The following DYNC1I1 variants were observed in gnomAD, a reference collection of about 807,000 sequenced individuals.
DYNC1I1 encodes the protein cytoplasmic dynein 1 intermediate chain 1.
In DYNC1I1, 43 loss-of-function variants were observed where a neutral mutation model predicts 86.6. The observed-to-expected ratio is 0.50, with a 90% CI of 0.39 to 0.64. DYNC1I1 has a LOEUF of 0.64. DYNC1I1 is among the 30% of genes least tolerant of loss of function. The pLI is 0.00. For missense variants in DYNC1I1, 604 were observed against 788.8 expected, an observed-to-expected ratio of 0.77 and a Z score of 2.81; for synonymous variants, 262 against 283.7, an observed-to-expected ratio of 0.92 and a Z score of 0.77.
At chr7:95,989,874 C>T (rs1239104064) in intron 9 of DYNC1I1, among the ~76,000 whole-genome samples, 2 of 152,044 alleles carry the variant, frequency 1.3e-5, no homozygotes, top group African/African-American at 2.4e-5. Context: ...TTGAGGGGTT[C>T]AAAGGACCAG....
intron 6 of DYNC1I1, 113 bp from the exon 7 acceptor site, chr7:95,977,399 G>C: frequency 2.5e-6 from 2 of 802,204 alleles, no homozygotes; most frequent in Non-Finnish European, 3.9e-6. Context: ...GATTTACTTA[G>C]ATGTTGCCCT....
chr7:95,796,986 G>A (rs1469400564), intron 1 of DYNC1I1, among the ~76,000 whole-genome samples: 1 of 152,116 alleles, frequency 6.6e-6, no homozygotes, highest in African/African-American at 2.4e-5. Context: ...TGTACTAGTA[G>A]TGGCCCAAAT....
At chr7:95,776,086 G>A (rs1047738391) in intron 1 of DYNC1I1, among the ~76,000 whole-genome samples, 4 of 152,130 alleles carry the variant, frequency 2.6e-5, no homozygotes, top group Non-Finnish European at 4.4e-5. Context: ...CAGGCTACTC[G>A]GGAGGCTGAG....
chr7:95,979,815 T>A (rs989866591), intron 7 of DYNC1I1, among the ~76,000 whole-genome samples: 1 of 152,082 alleles, frequency 6.6e-6, no homozygotes, highest in Non-Finnish European at 1.5e-5. Context: ...TTTCTGAGAG[T>A]CTAAATGAAT....
At chr7:95,985,962 T>G (rs778489896) in intron 8 of DYNC1I1, among the ~76,000 whole-genome samples, 14 of 151,672 alleles carry the variant, frequency 9.2e-5, no homozygotes, top group Non-Finnish European at 1.0e-4. Flanking sequence ...CTTTCTTGAT[T>G]TTGTTGGTCC....
intron 10 of DYNC1I1, among the ~76,000 whole-genome samples, chr7:96,016,868 G>A (rs947939247): frequency 1.3e-5 from 2 of 152,130 alleles, no homozygotes; most frequent in African/African-American, 4.8e-5. Context: ...CAAGTAAGAT[G>A]GTTTGATGTC....
chr7:95,830,806 A>G (rs976206049), intron 5 of DYNC1I1, among the ~76,000 whole-genome samples: 32 of 152,144 alleles, frequency 2.1e-4, no homozygotes, highest in African/African-American at 7.2e-4. Context: ...TGGTTTTACC[A>G]TTATGCATTC....
At chr7:95,962,580 A>G (rs1348315722) in intron 6 of DYNC1I1, among the ~76,000 whole-genome samples, 3 of 84,290 alleles carry the variant, frequency 3.6e-5, no homozygotes, top group African/African-American at 1.6e-4. Flanking sequence ...AATAACTAAC[A>G]CGTTATAGCC....
intron 5 of DYNC1I1, among the ~76,000 whole-genome samples, chr7:95,857,070 T>C (rs953250624): frequency 1.9e-4 from 29 of 152,194 alleles, no homozygotes; most frequent in Admixed American, 1.8e-3. Flanking sequence ...ACCAAATCCT[T>C]TGATGTCATG....
intron 6 of DYNC1I1, among the ~76,000 whole-genome samples, chr7:95,950,132 A>G (rs1364189299): frequency 1.3e-5 from 2 of 152,204 alleles, no homozygotes; most frequent in African/African-American, 2.4e-5. Flanking sequence ...CTCTTATAGA[A>G]AGAAGTGTCC....
chr7:96,061,713 C>CACACAA (rs1789781570), intron 14 of DYNC1I1, among the ~76,000 whole-genome samples: 1 of 67,216 alleles, frequency 1.5e-5, no homozygotes, highest in African/African-American at 9.9e-5. Flanking sequence ...CTCTCTCTCT[C>CACACAA]ACACACACAC....
At chr7:95,921,699 A>C (rs1791615088) in intron 6 of DYNC1I1, among the ~76,000 whole-genome samples, 1 of 152,172 alleles carries the variant, frequency 6.6e-6, no homozygotes, top group Non-Finnish European at 1.5e-5. Flanking sequence ...GTGTTGACTG[A>C]CCAGTGACTC....
At chr7:96,103,399 A>C (rs543973949), downstream of DYNC1I1, among the ~76,000 whole-genome samples, 1 of 152,266 alleles carries the variant, frequency 6.6e-6, no homozygotes, top group African/African-American at 2.4e-5. Context: ...TTAGCAATCT[A>C]ACCCAAGCCA....
intron 15 of DYNC1I1, among the ~76,000 whole-genome samples, chr7:96,077,472 G>C (rs534446567): frequency 6.6e-6 from 1 of 152,180 alleles, no homozygotes; most frequent in South Asian, 2.1e-4. Context: ...TAATCAAAAG[G>C]CATGAGTATG....
intron 5 of DYNC1I1, among the ~76,000 whole-genome samples, chr7:95,830,273 T>C (rs549676684): frequency 6.6e-6 from 1 of 152,140 alleles, no homozygotes; most frequent in Non-Finnish European, 1.5e-5. Flanking sequence ...TTGACATGTA[T>C]GCACATCCAT....
rs186669391 is a variant in DYNC1I1 at position 95,968,454 on chromosome 7, A to G, written c.491-9058A>G. 1.1e-4 allele frequency among the ~76,000 whole-genome samples: 17 copies of G among 152,294 alleles called. No homozygotes were observed. In the East Asian group the frequency reaches 3.3e-3, roughly 29 times the overall value. ...TCCTTACAGCGAAAATAGTGCTTCT[A>G]AATGGTTTCTATTTATTTTACTCTT... is the stretch of plus-strand genomic sequence containing the variant. On this transcript the variant is annotated intron_variant, in intron 6 of 16. Transcript: ENST00000447467.
chr7:95,856,190 A>G (rs190031654), intron 5 of DYNC1I1, among the ~76,000 whole-genome samples: 15 of 152,266 alleles, frequency 9.9e-5, no homozygotes, highest in African/African-American at 2.6e-4. Context: ...AAGAACTGTG[A>G]CATAAACATG....
At chr7:95,848,693 G>T (rs1234035646) in intron 5 of DYNC1I1, among the ~76,000 whole-genome samples, 1 of 151,944 alleles carries the variant, frequency 6.6e-6, no homozygotes, top group Non-Finnish European at 1.5e-5. Flanking sequence ...GAACATGGGG[G>T]TACAAATACC....
intron 6 of DYNC1I1, among the ~76,000 whole-genome samples, chr7:95,875,638 G>T (rs1430695194): frequency 6.6e-6 from 1 of 152,168 alleles, no homozygotes; most frequent in Non-Finnish European, 1.5e-5. Context: ...TAATGGCCTT[G>T]GTGGAGATAG....
Sources: gnomAD v4.1 joint callset for allele counts (sites outside exome capture counted in the v4.1 genomes callset) on GRCh38, gnomAD v4.1.1 for gene constraint, MANE v1.5 for transcripts, NCBI Gene and HGNC (gene_info 2026-07-23, HGNC 2026-07-21) for gene names.